SUCLG2: variants seen among roughly 807,000 people sequenced by gnomAD.
SUCLG2 encodes the protein succinate--CoA ligase [GDP-forming] subunit beta, mitochondrial.
In SUCLG2, 42 loss-of-function variants were observed where a neutral mutation model predicts 47.9. That is an observed-to-expected ratio of 0.88 (90% confidence interval 0.69 to 1.14). The LOEUF (loss-of-function observed/expected upper bound fraction) is 1.14, where lower values mean the gene tolerates loss of function less well. Among genes scored for constraint, SUCLG2 ranks in the 50% most tolerant of loss-of-function variants. The probability of loss-of-function intolerance (pLI) is 0.00; values close to 1 mark genes in which losing one functional copy is unlikely to be tolerated. For synonymous variants in SUCLG2, 195 were observed against 197.3 expected (o/e 0.99, Z 0.10); for missense variants, 571 against 525.9 (o/e 1.09, Z -0.84).
intron 2 of SUCLG2, among the ~76,000 whole-genome samples, chr3:67,548,374 A>G (rs1043744689): frequency 1.3e-5 from 2 of 152,222 alleles, no homozygotes; most frequent in African/African-American, 4.8e-5. Flanking sequence ...CACATTTTGT[A>G]CATGTGCTTT....
intron 2 of SUCLG2, among the ~76,000 whole-genome samples, chr3:67,538,965 C>T (rs535655794): frequency 1.3e-5 from 2 of 152,280 alleles, no homozygotes; most frequent in African/African-American, 2.4e-5. Context: ...TGGGCAGAGA[C>T]GATGGGGTTT....
intron 1 of SUCLG2, among the ~76,000 whole-genome samples, chr3:67,636,861 G>A (rs1018311908): frequency 6.6e-6 from 1 of 151,880 alleles, no homozygotes; most frequent in African/African-American, 2.4e-5. Context: ...TCCTGGTGGA[G>A]GATATAAACG....
At chr3:67,576,639 C>A (rs975699411) in intron 2 of SUCLG2, among the ~76,000 whole-genome samples, 3 of 152,192 alleles carry the variant, frequency 2.0e-5, no homozygotes, top group Admixed American at 1.3e-4. Context: ...AGATGGAGAT[C>A]ATCTTAAGGA....
intron 4 of SUCLG2, among the ~76,000 whole-genome samples, chr3:67,527,478 A>G (rs1378386708): frequency 6.6e-6 from 1 of 152,182 alleles, no homozygotes; most frequent in Non-Finnish European, 1.5e-5. Flanking sequence ...TGGATACACA[A>G]AAGGGATGGT....
intron 2 of SUCLG2, among the ~76,000 whole-genome samples, chr3:67,593,267 A>C (rs112902933): frequency 2.0e-4 from 27 of 135,830 alleles, no homozygotes; most frequent in African/African-American, 5.5e-4. Flanking sequence ...GGTCTAACAC[A>C]TATAGCACAT....
At chr3:67,498,007 TAA>T in intron 8 of SUCLG2, 125 bp downstream of exon 8, 1 of 997,584 alleles carries the variant, frequency 1.0e-6, no homozygotes, top group South Asian at 1.8e-5. Context: ...GATACTTTCC[TAA>T]GACTTTTCAG....
chr3:67,375,751 T>C lies in SUCLG2; in HGVS notation c.1292A>G (p.Lys431Arg). The stretch of plus-strand genomic sequence containing the variant: ...TGGATCAGGACAAAGACATCACTTC[T>C]TGGCCACACTGGCCACAGCCTTCTT... ...AAKKAVASVA[K>R]K is the part of the protein sequence containing the mutation. Residue 431 changes from lysine to arginine, a missense_variant, in exon 11 of 11, where the codon AAG becomes AGG. Lys to Arg is a conservative substitution (Grantham distance 26). Coordinates refer to ENST00000307227, the MANE Select transcript of SUCLG2 (RefSeq NM_003848.4). The C allele has an allele frequency of 6.2e-7, 1 of 1,613,064 alleles. No homozygotes were observed. The highest frequency in any genetic ancestry group is 8.5e-7 in the Non-Finnish European group (1 of 1,179,736).
chr3:67,555,408 A>C (rs1707132428), intron 2 of SUCLG2, among the ~76,000 whole-genome samples: 1 of 152,184 alleles, frequency 6.6e-6, no homozygotes, highest in Non-Finnish European at 1.5e-5. Flanking sequence ...ATGTCTATAC[A>C]CACATACTAC....
intron 2 of SUCLG2, among the ~76,000 whole-genome samples, chr3:67,563,115 A>C (rs1156845528): frequency 6.7e-6 from 1 of 149,576 alleles, no homozygotes; most frequent in Non-Finnish European, 1.5e-5. Context: ...TAATACATAT[A>C]TACATAATAT....
intron 10 of SUCLG2, among the ~76,000 whole-genome samples, chr3:67,377,376 T>C (rs1344546596): frequency 2.0e-5 from 3 of 152,232 alleles, no homozygotes; most frequent in Non-Finnish European, 4.4e-5. Context: ...TGGTGCAGTA[T>C]CTGTGGCAGG....
At chr3:67,468,362 A>G (rs1359508555) in intron 9 of SUCLG2, among the ~76,000 whole-genome samples, 1 of 152,188 alleles carries the variant, frequency 6.6e-6, no homozygotes, top group Non-Finnish European at 1.5e-5. Context: ...CAACTTTGCC[A>G]TTCTCACATT....
rs187602820 is a variant in SUCLG2 at position 67,505,199 on chromosome 3, G to C, written c.757+3608C>G. On this transcript the variant is annotated intron_variant, in intron 7 of 10. Coordinates refer to ENST00000307227, the MANE Select transcript of SUCLG2 (RefSeq NM_003848.4). The stretch of plus-strand genomic sequence containing the variant: ...TTATGGAGCACTGGGAGCCATCTTT[G>C]CTGCCAGCTTCTGAGAGCCTGGCTG... Among the ~76,000 whole-genome samples, 327 of 152,274 alleles carry C rather than the reference G, an allele frequency of 2.1e-3. 2 individuals carry two copies. Among genetic ancestry groups the C allele is most frequent in the Admixed American group, 4.6e-3 (70 of 15,298 alleles).
chr3:67,525,203 T>G (rs771674069), intron 4 of SUCLG2, among the ~76,000 whole-genome samples: 1 of 152,156 alleles, frequency 6.6e-6, no homozygotes, highest in Non-Finnish European at 1.5e-5. Flanking sequence ...ACCAATTCCC[T>G]CCAAATTCAT....
intron 10 of SUCLG2, among the ~76,000 whole-genome samples, chr3:67,398,295 A>T (rs1222402189): frequency 6.6e-6 from 1 of 150,962 alleles, no homozygotes; most frequent in Non-Finnish European, 1.5e-5. Context: ...AATATCCAGA[A>T]TCTACAATGA....
chr3:67,511,180 G>A (rs1035432571), intron 6 of SUCLG2, among the ~76,000 whole-genome samples: 11 of 152,032 alleles, frequency 7.2e-5, no homozygotes, highest in Admixed American at 2.6e-4. Flanking sequence ...GAGCCACTGC[G>A]CCCGGCCTAA....
downstream of SUCLG2, among the ~76,000 whole-genome samples, chr3:67,369,735 G>A (rs112975656): frequency 9.9e-5 from 15 of 152,282 alleles, 1 homozygote; most frequent in South Asian, 1.5e-3. Flanking sequence ...AAGAAAAGAC[G>A]CCCACTGGCT....
At chr3:67,620,584 C>CAAAAAAAAAAAAAAAAAAAAAAAAAAA (rs71109890) in intron 1 of SUCLG2, among the ~76,000 whole-genome samples, 1 of 63,502 alleles carries the variant, frequency 1.6e-5, no homozygotes, top group Non-Finnish European at 2.9e-5. Flanking sequence ...GACTCCATCT[C>CAAAAAAAAAAAAAAAAAAAAAAAAAAA]AAAAAAAAAA....
chr3:67,521,792 G>A (rs1706113304), intron 4 of SUCLG2, among the ~76,000 whole-genome samples: 1 of 151,690 alleles, frequency 6.6e-6, no homozygotes, highest in African/African-American at 2.4e-5. Flanking sequence ...GCTAATTTTT[G>A]TATTTTTAGT....
intron 2 of SUCLG2, among the ~76,000 whole-genome samples, chr3:67,562,558 G>A (rs572111546): frequency 1.2e-4 from 19 of 152,268 alleles, no homozygotes; most frequent in Admixed American, 7.8e-4. Flanking sequence ...GATCACAGGC[G>A]TGAGCCACTG....
Sources: gnomAD v4.1 joint callset for allele counts (sites outside exome capture counted in the v4.1 genomes callset) on GRCh38, gnomAD v4.1.1 for gene constraint, MANE v1.5 for transcripts, NCBI Gene and HGNC (gene_info 2026-07-23, HGNC 2026-07-21) for gene names.